LARGE1: variants seen among roughly 807,000 people sequenced by gnomAD.
The protein encoded by LARGE1 is xylosyl- and glucuronyltransferase LARGE1.
In LARGE1, 43 loss-of-function variants were observed where a neutral mutation model predicts 87.6. That is an observed-to-expected ratio of 0.49 (90% CI 0.38 to 0.63). The LOEUF (loss-of-function observed/expected upper bound fraction) is 0.63. Among genes scored for constraint, LARGE1 ranks in the 30% least tolerant of loss-of-function variants. LARGE1 has a pLI of 0.00. For missense variants in LARGE1, 802 were observed against 1,000.2 expected, an observed-to-expected ratio of 0.80 and a Z score of 2.67; for synonymous variants, 434 against 394.6, an observed-to-expected ratio of 1.10 and a Z score of -1.18.
intron 1 of LARGE1, among the ~76,000 whole-genome samples, chr22:33,911,788 A>G (rs1421681183): frequency 6.6e-6 from 1 of 152,148 alleles, no homozygotes; most frequent in African/African-American, 2.4e-5. Flanking sequence ...TTTGAACCAC[A>G]ACAATGATCC....
chr22:33,587,366 G>A (rs1002038027), intron 5 of LARGE1, among the ~76,000 whole-genome samples: 2 of 152,130 alleles, frequency 1.3e-5, no homozygotes, highest in African/African-American at 4.8e-5. Context: ...AGGGTATTCT[G>A]ATGTTGACTT....
At position 33,920,143 on chromosome 22, in the gene LARGE1, G is replaced by A. The variant is rs979115184; in HGVS notation, c.-231C>T. ...CGGCGGTGCCAAGCACAGAGTTCGG[G>A]ACTGCCCCCGGCTCCAAATGCCGCG... On this transcript the variant is annotated 5_prime_UTR_variant, in exon 1 of 15. Transcript: ENST00000397394. The A allele has an allele frequency of 2.0e-5, 3 of 152,434 alleles. No individual in the cohort carries two copies. The highest frequency in any genetic ancestry group is 2.9e-5 in the Non-Finnish European group (2 of 68,312). The allele number at this position is 152,434 out of a possible 1,614,324, so 9.4% of individuals were successfully genotyped here. A position where few individuals can be genotyped will look rare whatever the true frequency, so the allele number is the denominator to read the frequency against.
chr22:33,188,775 T>C (rs1256535608), intron 11 of LARGE1, among the ~76,000 whole-genome samples: 1 of 152,212 alleles, frequency 6.6e-6, no homozygotes, highest in African/African-American at 2.4e-5. Context: ...CTACCCTATA[T>C]GATAGCTGGA....
intron 1 of LARGE1, among the ~76,000 whole-genome samples, chr22:33,803,833 A>G (rs118104325): frequency 6.6e-6 from 1 of 152,160 alleles, no homozygotes; most frequent in East Asian, 1.9e-4. Flanking sequence ...AAAATTGTAG[A>G]CTCCCAGAAG....
chr22:33,382,457 C>T (rs2065190313), intron 8 of LARGE1, among the ~76,000 whole-genome samples: 3 of 152,186 alleles, frequency 2.0e-5, no homozygotes, highest in African/African-American at 7.2e-5. Flanking sequence ...AGTAGCCCCA[C>T]TCATTCAGGG....
At chr22:33,372,456 G>A (rs933618417) in intron 9 of LARGE1, among the ~76,000 whole-genome samples, 1 of 152,190 alleles carries the variant, frequency 6.6e-6, no homozygotes, top group Admixed American at 6.5e-5. Context: ...ACAGTTCCAC[G>A]TGGTTGAGGA....
At chr22:33,114,658 T>C in the LARGE1 span, among the ~76,000 whole-genome samples, 1 of 152,342 alleles carries the variant, frequency 6.6e-6, no homozygotes, top group South Asian at 2.1e-4. Context: ...GGTTCACATT[T>C]AACTGAGTTA....
At chr22:33,919,119 A>AT (rs1447388485) in intron 1 of LARGE1, among the ~76,000 whole-genome samples, 14 of 145,718 alleles carry the variant, frequency 9.6e-5, no homozygotes, top group African/African-American at 3.5e-4. Context: ...AAAAAAAAAA[A>AT]GAGTCCAACC....
intron 1 of LARGE1, among the ~76,000 whole-genome samples, chr22:33,763,906 G>A (rs2084817024): frequency 8.0e-6 from 1 of 124,830 alleles, no homozygotes; most frequent in African/African-American, 3.0e-5. Context: ...CTAGAGTATA[G>A]TGGTGTGATC....
At chr22:33,158,929 T>G (rs1488955390), downstream of LARGE1, among the ~76,000 whole-genome samples, 2 of 152,218 alleles carry the variant, frequency 1.3e-5, no homozygotes, top group African/African-American at 4.8e-5. Context: ...ACTGTGACAT[T>G]CAAAAAGCAG....
intron 5 of LARGE1, 38 bp from the exon 6 acceptor site, chr22:33,565,057 G>A: frequency 1.3e-6 from 2 of 1,582,212 alleles, no homozygotes; most frequent in African/African-American, 1.4e-5. Flanking sequence ...TGGAGAAAGG[G>A]AAAAAAAATT....
intron 10 of LARGE1, among the ~76,000 whole-genome samples, chr22:33,334,945 C>T (rs189087753): frequency 4.1e-4 from 63 of 152,336 alleles, no homozygotes; most frequent in African/African-American, 1.3e-3. Context: ...TTCACCTCGC[C>T]GATCCCCCCA....
intron 5 of LARGE1, among the ~76,000 whole-genome samples, chr22:33,582,762 C>T (rs1405479491): frequency 6.6e-6 from 1 of 152,228 alleles, no homozygotes; most frequent in East Asian, 1.9e-4. Flanking sequence ...AATACTTCCA[C>T]CAAAGTTCAG....
chr22:33,818,713 C>T (rs2086730636), intron 1 of LARGE1, among the ~76,000 whole-genome samples: 1 of 152,192 alleles, frequency 6.6e-6, no homozygotes, highest in Non-Finnish European at 1.5e-5. Flanking sequence ...CAAATACCTA[C>T]CGAACAATGA....
intron 5 of LARGE1, among the ~76,000 whole-genome samples, chr22:33,581,811 CAAAA>C (rs130418): frequency 2.6e-5 from 2 of 77,408 alleles, no homozygotes; most frequent in East Asian, 3.6e-4. Context: ...AACTCCGTCT[CAAAA>C]AAAAAAAAAA....
At chr22:33,750,138 A>G (rs2084257506) in intron 2 of LARGE1, among the ~76,000 whole-genome samples, 1 of 152,204 alleles carries the variant, frequency 6.6e-6, no homozygotes, top group Non-Finnish European at 1.5e-5. Flanking sequence ...ATACGCAGAT[A>G]CCAGAAGCTC....
chr22:33,539,989 G>A (rs779063740), intron 6 of LARGE1, among the ~76,000 whole-genome samples: 1 of 152,038 alleles, frequency 6.6e-6, no homozygotes, highest in Non-Finnish European at 1.5e-5. Flanking sequence ...AGATGCCTGT[G>A]GGGGCTCAGG....
chr22:33,157,693 T>A (rs1360764988), downstream of LARGE1, among the ~76,000 whole-genome samples: 1 of 152,210 alleles, frequency 6.6e-6, no homozygotes, highest in Non-Finnish European at 1.5e-5. Flanking sequence ...ATCCTCCTTT[T>A]TTTGTATTAT....
intron 2 of LARGE1, among the ~76,000 whole-genome samples, chr22:33,756,738 C>A (rs890901097): frequency 5.3e-5 from 8 of 152,062 alleles, no homozygotes; most frequent in Non-Finnish European, 4.4e-5. Context: ...TCTGATTCAG[C>A]CCTGAGGAGT....
Sources: gnomAD v4.1 joint callset for allele counts (sites outside exome capture counted in the v4.1 genomes callset) on GRCh38, gnomAD v4.1.1 for gene constraint, MANE v1.5 for transcripts, NCBI Gene and HGNC (gene_info 2026-07-23, HGNC 2026-07-21) for gene names.